Variants in NEBL observed in about 807,000 individuals in gnomAD.
NEBL encodes the protein LIM and SH3 protein 2.
In NEBL, 122 loss-of-function variants were observed where a neutral mutation model predicts 140.2. The ratio of observed to expected loss-of-function variants is 0.87; its 90% CI spans 0.75 to 1.01. The LOEUF (loss-of-function observed/expected upper bound fraction) is 1.01, where lower values mean the gene tolerates loss of function less well. Among genes scored for constraint, NEBL ranks in the 50% least tolerant of loss-of-function variants. The pLI is 0.00. For synonymous variants in NEBL, 436 were observed against 398.9 expected (o/e 1.09, Z -1.11); for missense variants, 1,365 against 1,231.3 (o/e 1.11, Z -1.62).
chr10:20,986,530 TA>T (rs1252142572), intron 3 of NEBL, among the ~76,000 whole-genome samples: 1 of 152,220 alleles, frequency 6.6e-6, no homozygotes. Flanking sequence ...TAAATGTTCC[TA>T]AATAATGGCT....
intron 2 of NEBL, among the ~76,000 whole-genome samples, chr10:21,095,241 C>A (rs1283079324): frequency 6.6e-6 from 1 of 152,110 alleles, no homozygotes; most frequent in Non-Finnish European, 1.5e-5. Flanking sequence ...AAAGTTCCAT[C>A]CAACAGGGAG....
intron 10 of NEBL, among the ~76,000 whole-genome samples, chr10:20,852,202 G>A (rs1017078948): frequency 6.6e-6 from 1 of 152,038 alleles, no homozygotes; most frequent in Non-Finnish European, 1.5e-5. Context: ...GAAAATTAAC[G>A]TTACTGCTCA....
chr10:20,985,375 C>T (rs1408828497), intron 3 of NEBL, among the ~76,000 whole-genome samples: 1 of 152,142 alleles, frequency 6.6e-6, no homozygotes, highest in African/African-American at 2.4e-5. Context: ...GTCAAGGAAA[C>T]CTCCTTTACC....
At chr10:20,814,757 C>A (rs539765926) in intron 22 of NEBL, among the ~76,000 whole-genome samples, 1 of 151,948 alleles carries the variant, frequency 6.6e-6, no homozygotes, top group Admixed American at 6.6e-5. Flanking sequence ...AAAATGCATA[C>A]AAGCTACTCT....
intron 3 of NEBL, among the ~76,000 whole-genome samples, chr10:21,001,336 G>T (rs1353578837): frequency 6.6e-6 from 1 of 152,178 alleles, no homozygotes; most frequent in African/African-American, 2.4e-5. Flanking sequence ...TGGGAGCCAC[G>T]TAGCAGCTGG....
chr10:20,981,010 A>C (rs1299335030), intron 3 of NEBL, among the ~76,000 whole-genome samples: 1 of 152,118 alleles, frequency 6.6e-6, no homozygotes, highest in Non-Finnish European at 1.5e-5. Context: ...GGCAGATCTC[A>C]AACTCCTGGC....
intron 13 of NEBL, among the ~76,000 whole-genome samples, chr10:20,839,702 G>A (rs150946379): frequency 6.6e-6 from 1 of 152,086 alleles, no homozygotes; most frequent in Non-Finnish European, 1.5e-5. Context: ...ACCATGAGAG[G>A]ATAATCAGCA....
chr10:21,077,498 T>G (rs1269539309), intron 2 of NEBL, among the ~76,000 whole-genome samples: 2 of 151,912 alleles, frequency 1.3e-5, no homozygotes, highest in Non-Finnish European at 2.9e-5. Context: ...TCCCAGCTAC[T>G]CGGGAGGCTG....
intron 2 of NEBL, among the ~76,000 whole-genome samples, chr10:21,149,784 A>G (rs1251819209): frequency 3.3e-5 from 5 of 152,204 alleles, no homozygotes; most frequent in Admixed American, 3.3e-4. Context: ...GCGGTCTTGT[A>G]GGACTGAGCC....
At position 21,224,945 on chromosome 10, in the gene NEBL, C is replaced by T. The variant is rs903878560; in HGVS notation, n.348+22976G>A. ...TCCAAATATAAGATCATATCATTTA[C>T]AAAGAGGATACTTTTACTCCTTCCT... is the stretch of plus-strand genomic sequence containing the variant. On this transcript the variant is annotated intron_variant and non_coding_transcript_variant, in intron 3 of 8. Transcript: ENST00000675702. Among the ~76,000 whole-genome samples the T allele has an allele frequency of 3.0e-4, 46 of 152,148 alleles. 2 individuals carry two copies. Among genetic ancestry groups the T allele is most frequent in the Non-Finnish European group, 5.9e-5 (4 of 68,032 alleles).
At chr10:20,963,968 A>G (rs1232592230) in intron 3 of NEBL, among the ~76,000 whole-genome samples, 1 of 152,234 alleles carries the variant, frequency 6.6e-6, no homozygotes, top group African/African-American at 2.4e-5. Context: ...CGAGCCATTC[A>G]TCAGCTCTCT....
At chr10:21,113,386 A>G (rs1021315714) in intron 2 of NEBL, 4 of 434,592 alleles carry the variant, frequency 9.2e-6, no homozygotes, top group African/African-American at 2.2e-5. Context: ...AAACACAGAA[A>G]AAGGTGGTTC....
intron 4 of NEBL, among the ~76,000 whole-genome samples, chr10:20,908,713 G>A (rs1848202943): frequency 6.6e-6 from 1 of 152,156 alleles, no homozygotes; most frequent in Non-Finnish European, 1.5e-5. Flanking sequence ...AACACACTCT[G>A]CTCTGGTAAG....
In NEBL at chr10:21,214,504, ACACACATG is replaced by A. The variant is rs56898512; in HGVS notation, n.348+33409_348+33416del. Among the ~76,000 whole-genome samples, 1,245 of 151,700 alleles carry A rather than the reference ACACACATG, an allele frequency of 8.2e-3. 19 individuals are homozygous for A. Among genetic ancestry groups the A allele is most frequent in the African/African-American group, 0.024 (992 of 41,416 alleles). ...ACACACGCGCACATTACACACATGC[ACACACATG>A]CACACATGCACATTACACACACATA... On this transcript the variant is annotated intron_variant and non_coding_transcript_variant, in intron 3 of 8. Coordinates refer to the NEBL transcript ENST00000675702.
At chr10:20,988,215 C>T (rs1221436831) in intron 3 of NEBL, among the ~76,000 whole-genome samples, 6 of 152,170 alleles carry the variant, frequency 3.9e-5, no homozygotes, top group Non-Finnish European at 5.9e-5. Flanking sequence ...CTGGCTCCAG[C>T]TTATGATCAT....
At chr10:21,128,942 A>G (rs1838970101) in intron 2 of NEBL, among the ~76,000 whole-genome samples, 1 of 152,230 alleles carries the variant, frequency 6.6e-6, no homozygotes, top group Admixed American at 6.5e-5. Flanking sequence ...CCACATGCAT[A>G]TAAACTAGAA....
chr10:21,174,192 AC>A, upstream of NEBL: 1 of 288,686 alleles, frequency 3.5e-6, no homozygotes, highest in Non-Finnish European at 5.2e-6. Flanking sequence ...CGCAGGCCAA[AC>A]CCACCGGCGC....
At chr10:21,190,845 T>C (rs1841562449) in intron 3 of NEBL, among the ~76,000 whole-genome samples, 1 of 152,232 alleles carries the variant, frequency 6.6e-6, no homozygotes, top group Non-Finnish European at 1.5e-5. Context: ...AATAGATTTG[T>C]CCTTTTTATT....
chr10:20,866,022 T>C (rs920577973), intron 7 of NEBL, among the ~76,000 whole-genome samples: 1 of 152,188 alleles, frequency 6.6e-6, no homozygotes, highest in Non-Finnish European at 1.5e-5. Context: ...CTTCCCTAAG[T>C]GTTTTCTTCA....
Sources: allele counts gnomAD v4.1 joint callset (sites outside exome capture counted in the v4.1 genomes callset), GRCh38; gene constraint gnomAD v4.1.1; transcripts MANE v1.5; gene names NCBI Gene and HGNC (gene_info 2026-07-23, HGNC 2026-07-21).